The following CARMIL1 variants were observed in gnomAD, a reference collection of about 807,000 sequenced individuals.
The protein encoded by CARMIL1 is capping protein regulator and myosin 1 linker 1.
A neutral mutation model predicts 177.1 loss-of-function variants in CARMIL1; 90 were observed. The observed-to-expected ratio is 0.51, with a 90% CI of 0.43 to 0.61. The LOEUF is 0.61. Among genes scored for constraint, CARMIL1 ranks in the 20% least tolerant of loss-of-function variants. CARMIL1 has a pLI of 0.00. For synonymous variants in CARMIL1, 577 were observed against 606.2 expected, an observed-to-expected ratio of 0.95 and a Z score of 0.71; for missense variants, 1,380 against 1,667.0, an observed-to-expected ratio of 0.83 and a Z score of 3.00.
intron 2 of CARMIL1, among the ~76,000 whole-genome samples, chr6:25,335,400 C>G (rs1037133434): frequency 6.6e-6 from 1 of 152,130 alleles, no homozygotes; most frequent in Non-Finnish European, 1.5e-5. Flanking sequence ...AATGAGGTTT[C>G]TAAAAATTCT....
intron 2 of CARMIL1, among the ~76,000 whole-genome samples, chr6:25,296,406 T>C (rs533057977): frequency 2.0e-5 from 3 of 152,356 alleles, no homozygotes; most frequent in Middle Eastern, 6.8e-3. Flanking sequence ...TTGTGTACTA[T>C]GTTGCTTGTG....
intron 36 of CARMIL1, among the ~76,000 whole-genome samples, chr6:25,618,185 CTGTT>C (rs2151357737): frequency 6.6e-6 from 1 of 151,964 alleles, no homozygotes; most frequent in Non-Finnish European, 1.5e-5. Flanking sequence ...TGCATTTTGA[CTGTT>C]AGGTTTAATG....
At chr6:25,392,969 G>C (rs915160319) in intron 2 of CARMIL1, among the ~76,000 whole-genome samples, 1 of 150,656 alleles carries the variant, frequency 6.6e-6, no homozygotes, top group African/African-American at 2.4e-5. Flanking sequence ...AGTAATCTTT[G>C]TGTGCCTGTT....
chr6:25,316,568 C>T (rs1287561840), intron 2 of CARMIL1, among the ~76,000 whole-genome samples: 7 of 152,078 alleles, frequency 4.6e-5, no homozygotes, highest in South Asian at 2.1e-4. Context: ...CATGTCACTG[C>T]GCCTGGCTAA....
chr6:25,445,786 C>A (rs1291587306), intron 5 of CARMIL1, among the ~76,000 whole-genome samples: 1 of 152,104 alleles, frequency 6.6e-6, no homozygotes, highest in East Asian at 1.9e-4. Flanking sequence ...GATCCACACG[C>A]CTCGGCTGGG....
intron 2 of CARMIL1, among the ~76,000 whole-genome samples, chr6:25,380,480 C>G (rs1248850268): frequency 6.6e-6 from 1 of 151,906 alleles, no homozygotes; most frequent in Admixed American, 6.6e-5. Context: ...GTTTGCTGAC[C>G]CTTGCCGTCA....
chr6:25,373,683 A>G (rs1359047558), intron 2 of CARMIL1, among the ~76,000 whole-genome samples: 1 of 151,658 alleles, frequency 6.6e-6, no homozygotes, highest in Non-Finnish European at 1.5e-5. Flanking sequence ...CCCTGGTTCA[A>G]GCGATTCTCC....
In CARMIL1 at chr6:25,302,996, CTT is replaced by C. The variant is rs1345436757; in HGVS notation, c.138+18088_138+18089del. On this transcript the variant is annotated intron_variant, in intron 2 of 36. Transcript: ENST00000329474. ...ATTACAGTGCAAATGAGCTGCCTCTCTTGTTTCCTTTTCTGCACGTCATTTTA... is the reference window on the plus strand; with the variant it reads ...ATTACAGTGCAAATGAGCTGCCTCTCGTTTCCTTTTCTGCACGTCATTTTA... Among the ~76,000 whole-genome samples, 25 of 152,280 alleles carry C rather than the reference CTT, an allele frequency of 1.6e-4. No homozygotes were observed. In the South Asian group the frequency reaches 1.7e-3, roughly 10 times the overall value.
chr6:25,345,196 T>G (rs1216557963), intron 2 of CARMIL1, among the ~76,000 whole-genome samples: 1 of 152,170 alleles, frequency 6.6e-6, no homozygotes, highest in Non-Finnish European at 1.5e-5. Context: ...ACCAGCAGCA[T>G]TTAACAGTCA....
chr6:25,533,557 A>G (rs1240133734), intron 24 of CARMIL1, among the ~76,000 whole-genome samples: 1 of 152,132 alleles, frequency 6.6e-6, no homozygotes, highest in East Asian at 1.9e-4. Flanking sequence ...TATTATCACA[A>G]TTACCATCAT....
intron 2 of CARMIL1, among the ~76,000 whole-genome samples, chr6:25,375,916 A>AT (rs1447371982): frequency 6.6e-6 from 1 of 151,834 alleles, no homozygotes; most frequent in Non-Finnish European, 1.5e-5. Flanking sequence ...CTTTATGCTG[A>AT]TTTTTACCTC....
chr6:25,283,456 G>A (rs1176621551), intron 1 of CARMIL1, among the ~76,000 whole-genome samples: 2 of 152,152 alleles, frequency 1.3e-5, no homozygotes, highest in Non-Finnish European at 1.5e-5. Flanking sequence ...CTGAGAGAAA[G>A]GAGTTGGACA....
chr6:25,391,719 C>T (rs4711083), intron 2 of CARMIL1, among the ~76,000 whole-genome samples: 22,054 of 152,206 alleles, frequency 0.14, 1,841 homozygotes, highest in East Asian at 0.32. Flanking sequence ...AAAAAAACTG[C>T]ATATGGCTAG....
At chr6:25,493,476 C>T (rs970879913) in intron 15 of CARMIL1, among the ~76,000 whole-genome samples, 2 of 152,168 alleles carry the variant, frequency 1.3e-5, no homozygotes, top group Admixed American at 6.5e-5. Flanking sequence ...CCTCCAATGT[C>T]GATGGCTTTC....
At chr6:25,377,277 G>T (rs1007365822) in intron 2 of CARMIL1, among the ~76,000 whole-genome samples, 1 of 152,176 alleles carries the variant, frequency 6.6e-6, no homozygotes, top group East Asian at 1.9e-4. Context: ...AGCCACAGAC[G>T]TTTTCTGCTG....
At chr6:25,360,508 T>C (rs1245370691) in intron 2 of CARMIL1, among the ~76,000 whole-genome samples, 2 of 152,124 alleles carry the variant, frequency 1.3e-5, no homozygotes, top group Non-Finnish European at 2.9e-5. Flanking sequence ...TGCTAAACCT[T>C]ACATACTTTT....
chr6:25,405,115 T>C (rs1258743875), intron 2 of CARMIL1, among the ~76,000 whole-genome samples: 1 of 152,230 alleles, frequency 6.6e-6, no homozygotes, highest in East Asian at 1.9e-4. Flanking sequence ...CTTTGAGACA[T>C]TTGTCAAAGT....
intron 31 of CARMIL1, among the ~76,000 whole-genome samples, chr6:25,591,385 G>A (rs1232364034): frequency 1.3e-5 from 2 of 152,158 alleles, no homozygotes; most frequent in African/African-American, 4.8e-5. Flanking sequence ...CAGCAACAGC[G>A]ATTCCTGATT....
At chr6:25,526,929 GAA>G (rs1196568395) in intron 23 of CARMIL1, among the ~76,000 whole-genome samples, 2 of 151,844 alleles carry the variant, frequency 1.3e-5, no homozygotes, top group African/African-American at 4.8e-5. Flanking sequence ...TTGTCTTCTG[GAA>G]AAAATATGAC....
Sources: gnomAD v4.1 joint callset for allele counts (sites outside exome capture counted in the v4.1 genomes callset) on GRCh38, gnomAD v4.1.1 for gene constraint, MANE v1.5 for transcripts, NCBI Gene and HGNC (gene_info 2026-07-23, HGNC 2026-07-21) for gene names.